The following SLC41A2 variants were observed in gnomAD, a reference collection of about 807,000 sequenced individuals.
The protein encoded by SLC41A2 is SLC41A1-like 1.
SLC41A2 carries 32 observed loss-of-function variants against 58.3 expected under a neutral mutation model. The observed-to-expected ratio is 0.55, with a 90% CI of 0.41 to 0.74. The LOEUF is 0.74. Ranked by LOEUF, SLC41A2 falls within the 30% of genes least tolerant of loss-of-function variation. SLC41A2 has a pLI of 0.00. For synonymous variants in SLC41A2, 190 were observed against 235.0 expected (o/e 0.81, Z 1.75); for missense variants, 514 against 680.6 (o/e 0.76, Z 2.72).
At chr12:104,806,528 T>C (rs1366699678) in intron 10 of SLC41A2, among the ~76,000 whole-genome samples, 2 of 152,362 alleles carry the variant, frequency 1.3e-5, no homozygotes, top group East Asian at 1.9e-4. Context: ...TAAACATACA[T>C]GTGCATGTGT....
intron 10 of SLC41A2, among the ~76,000 whole-genome samples, chr12:104,828,081 C>G (rs191301052): frequency 2.0e-5 from 3 of 152,128 alleles, no homozygotes; most frequent in Non-Finnish European, 4.4e-5. Context: ...TATAAAAACC[C>G]TGAGACCCTA....
chr12:104,927,349 T>C (rs1340356286), intron 2 of SLC41A2, among the ~76,000 whole-genome samples: 1 of 152,164 alleles, frequency 6.6e-6, no homozygotes, highest in African/African-American at 2.4e-5. Context: ...ATACATACAA[T>C]GGAATATCAT....
intron 10 of SLC41A2, among the ~76,000 whole-genome samples, chr12:104,841,801 T>A (rs1487675053): frequency 6.6e-6 from 1 of 152,070 alleles, no homozygotes; most frequent in Non-Finnish European, 1.5e-5. Context: ...TCAAAGAGTA[T>A]TAGTCTGTGA....
Position 104,928,349 on chromosome 12 carries a change from T to G in SLC41A2, c.179A>C (p.Lys60Thr). The change falls in exon 2 of 11, where the codon AAA (lysine) becomes ACA (threonine). Residue 60 changes from lysine to threonine, a missense_variant. Transcript: ENST00000258538. ...YQKNQEDRHK[K>T]ANGIWQDGLS... Reference sequence around the variant, plus strand: ...TCCATCTTGCCAAATGCCGTTTGCTTTTTTGTGCCTGTCTTCTTGGTTTTT... The same window carrying G: ...TCCATCTTGCCAAATGCCGTTTGCTGTTTTGTGCCTGTCTTCTTGGTTTTT... 3 of 1,609,540 alleles carry G rather than the reference T, an allele frequency of 1.9e-6. No homozygotes were observed. The highest frequency in any genetic ancestry group is 2.5e-6 in the Non-Finnish European group (3 of 1,177,482).
intron 10 of SLC41A2, among the ~76,000 whole-genome samples, chr12:104,809,771 T>A (rs964543881): frequency 2.6e-5 from 4 of 152,084 alleles, no homozygotes; most frequent in African/African-American, 9.7e-5. Flanking sequence ...GAGCCTTGGT[T>A]TGGGGGATGA....
intron 1 of SLC41A2, among the ~76,000 whole-genome samples, chr12:104,936,112 C>A (rs2047260750): frequency 6.6e-6 from 1 of 151,924 alleles, no homozygotes; most frequent in Non-Finnish European, 1.5e-5. Context: ...AGGCATTAGC[C>A]ACATGTTTGT....
chr12:104,894,505 C>T (rs981149686), intron 4 of SLC41A2, among the ~76,000 whole-genome samples: 1 of 152,178 alleles, frequency 6.6e-6, no homozygotes, highest in African/African-American at 2.4e-5. Context: ...CTCATTTCTA[C>T]ATCTGTGATC....
At chr12:104,940,532 TA>T (rs74199054) in intron 1 of SLC41A2, among the ~76,000 whole-genome samples, 98,530 of 142,294 alleles carry the variant, frequency 0.69, 34,724 homozygotes, top group African/African-American at 0.87. Context: ...AAATATAAGC[TA>T]AAAAAAAAAA....
At chr12:104,866,949 C>T (rs1260332840) in intron 6 of SLC41A2, among the ~76,000 whole-genome samples, 1 of 151,976 alleles carries the variant, frequency 6.6e-6, no homozygotes, top group Non-Finnish European at 1.5e-5. Flanking sequence ...TCATTGTCCC[C>T]ACCAATATAA....
intron 6 of SLC41A2, among the ~76,000 whole-genome samples, chr12:104,874,512 G>T (rs2043954523): frequency 6.6e-6 from 1 of 152,162 alleles, no homozygotes; most frequent in African/African-American, 2.4e-5. Flanking sequence ...ATTTTTAGTT[G>T]TGTAAGATAA....
intron 6 of SLC41A2, among the ~76,000 whole-genome samples, chr12:104,875,305 C>T (rs2043992938): frequency 6.6e-6 from 1 of 151,970 alleles, no homozygotes; most frequent in Admixed American, 6.6e-5. Context: ...TCATTTTTGT[C>T]TTTGCTTTTG....
intron 8 of SLC41A2, among the ~76,000 whole-genome samples, chr12:104,856,030 A>G (rs1207675878): frequency 6.6e-6 from 1 of 152,230 alleles, no homozygotes; most frequent in African/African-American, 2.4e-5. Context: ...AAACTTTTGC[A>G]TATATCAAAA....
At chr12:104,951,466 T>G (rs1440919545) in intron 1 of SLC41A2, 1 of 152,156 alleles carries the variant, frequency 6.6e-6, no homozygotes, top group Non-Finnish European at 1.5e-5. Flanking sequence ...AAGATAAATT[T>G]GAATCAGAAC....
At chr12:104,942,099 T>C (rs2047532043) in intron 1 of SLC41A2, among the ~76,000 whole-genome samples, 1 of 152,202 alleles carries the variant, frequency 6.6e-6, no homozygotes, top group Non-Finnish European at 1.5e-5. Flanking sequence ...AAAAGAGGTA[T>C]ATTTATTCCC....
chr12:104,904,937 G>A (rs986512618), intron 3 of SLC41A2, among the ~76,000 whole-genome samples: 2 of 152,094 alleles, frequency 1.3e-5, no homozygotes, highest in Non-Finnish European at 2.9e-5. Context: ...GGACCCAAGC[G>A]GGTTACCAAT....
In SLC41A2 at chr12:104,879,953, A is replaced by G. The variant is rs2044277176; in HGVS notation, c.1027+6340T>C. On this transcript the variant is annotated intron_variant, in intron 6 of 10. Coordinates refer to ENST00000258538, the MANE Select transcript of SLC41A2 (RefSeq NM_001352171.3). ...TGTGTCCTCTTTTATTTTGTTGAGC[A>G]GTGGTTTGTAGTTCTCCTTGAAGAG... is the stretch of plus-strand genomic sequence containing the variant. 2.6e-5 allele frequency among the ~76,000 whole-genome samples: 4 copies of G among 152,150 alleles called. No individual in the cohort carries two copies. The South Asian group carries it at 8.3e-4, about 32-fold the overall frequency.
At chr12:104,817,019 C>T (rs920074290) in intron 10 of SLC41A2, among the ~76,000 whole-genome samples, 1 of 152,162 alleles carries the variant, frequency 6.6e-6, no homozygotes. Context: ...CATCACCGTG[C>T]AAACATCAGA....
At chr12:104,902,233 A>G (rs2135737591) in intron 3 of SLC41A2, among the ~76,000 whole-genome samples, 1 of 152,364 alleles carries the variant, frequency 6.6e-6, no homozygotes, top group Non-Finnish European at 1.5e-5. Flanking sequence ...GAGTACAGTT[A>G]GAAATCTGCT....
At position 104,901,074 on chromosome 12, in the gene SLC41A2, T is replaced by G. The variant is rs2045536043; in HGVS notation, c.664-5729A>C. 2.0e-5 allele frequency among the ~76,000 whole-genome samples: 3 copies of G among 152,188 alleles called. No homozygotes were observed. The South Asian group carries it at 6.2e-4, about 31-fold the overall frequency. ...GTAGAGTGTTGCTAAATAATTCAGATAGTCAATTAAGTGTTCTCTGAGAAG... is the reference window on the plus strand; with the variant it reads ...GTAGAGTGTTGCTAAATAATTCAGAGAGTCAATTAAGTGTTCTCTGAGAAG... On this transcript the variant is annotated intron_variant, in intron 3 of 10. Coordinates refer to ENST00000258538, the MANE Select transcript of SLC41A2 (RefSeq NM_001352171.3).
Sources: allele counts gnomAD v4.1 joint callset (sites outside exome capture counted in the v4.1 genomes callset), GRCh38; gene constraint gnomAD v4.1.1; transcripts MANE v1.5; gene names NCBI Gene and HGNC (gene_info 2026-07-23, HGNC 2026-07-21).